DMD: variants seen among roughly 807,000 people sequenced by gnomAD.
DMD encodes the protein mutant dystrophin.
DMD carries 63 observed loss-of-function variants against 330.1 expected under a neutral mutation model. The ratio of observed to expected loss-of-function variants is 0.19; its 90% CI spans 0.16 to 0.24. The LOEUF (loss-of-function observed/expected upper bound fraction) is 0.24, where lower values mean the gene tolerates loss of function less well. Among genes scored for constraint, DMD ranks in the 10% least tolerant of loss-of-function variants. The pLI, the probability that DMD is intolerant of heterozygous loss-of-function variation, is 1.00. For synonymous variants in DMD, 1,223 were observed against 959.8 expected, an observed-to-expected ratio of 1.27 and a Z score of -5.07; for missense variants, 3,344 against 2,684.1, an observed-to-expected ratio of 1.25 and a Z score of -5.43.
intron 55 of DMD, among the ~76,000 whole-genome samples, chrX:31,550,411 T>A (rs1603355750): frequency 8.9e-6 from 1 of 112,097 alleles, no homozygotes; most frequent in Admixed American, 9.4e-5. Flanking sequence ...AGAAGTCTGC[T>A]AGAAGAGGCC....
intron 44 of DMD, among the ~76,000 whole-genome samples, chrX:32,168,415 G>C (rs72626020): frequency 0.15 from 16,823 of 109,080 alleles, 1,488 homozygotes; most frequent in African/African-American, 0.32. Context: ...ATGCTCTTAT[G>C]CTCTTCCTCT....
At chrX:32,851,947 G>T (rs914192969) in intron 2 of DMD, among the ~76,000 whole-genome samples, 4 of 111,169 alleles carry the variant, frequency 3.6e-5, no homozygotes, top group Non-Finnish European at 7.6e-5. Context: ...AGCACTTTGG[G>T]GTCCTAAATA....
intron 27 of DMD, among the ~76,000 whole-genome samples, chrX:32,447,926 T>A (rs1416033798): frequency 9.0e-6 from 1 of 111,182 alleles, no homozygotes; most frequent in African/African-American, 3.3e-5. Flanking sequence ...TACATAAATA[T>A]AATGCAAACC....
chrX:32,550,722 A>G (rs1159140779), intron 16 of DMD, among the ~76,000 whole-genome samples: 1 of 110,773 alleles, frequency 9.0e-6, no homozygotes, highest in Non-Finnish European at 1.9e-5. Context: ...TTAATAATAA[A>G]GATAGACCAC....
intron 44 of DMD, among the ~76,000 whole-genome samples, chrX:32,193,881 C>G (rs1006366139): frequency 9.0e-6 from 1 of 111,630 alleles, no homozygotes; most frequent in African/African-American, 3.3e-5. Flanking sequence ...CAGCAACATA[C>G]CCACATCATT....
chrX:32,597,236 G>T (rs1173195527), intron 12 of DMD, among the ~76,000 whole-genome samples: 1 of 111,583 alleles, frequency 9.0e-6, no homozygotes, highest in African/African-American at 3.3e-5. Flanking sequence ...CACCATTTCT[G>T]TCATTTTTTT....
chrX:32,231,348 C>T (rs934701067), intron 43 of DMD, among the ~76,000 whole-genome samples: 2 of 111,732 alleles, frequency 1.8e-5, no homozygotes, highest in East Asian at 2.8e-4. Flanking sequence ...TCCAAATATG[C>T]GGAGTATGAA....
At chrX:33,297,105 T>C (rs1300156111) in intron 1 of DMD, among the ~76,000 whole-genome samples, 2 of 111,328 alleles carry the variant, frequency 1.8e-5, no homozygotes, top group Non-Finnish European at 3.8e-5. Flanking sequence ...TAAGAATTAT[T>C]ATGTCCAAAT....
chrX:31,729,839 G>T, intron 51 of DMD, 91 bp from the exon 52 acceptor site: 2 of 709,694 alleles, frequency 2.8e-6, no homozygotes, highest in Admixed American at 2.3e-5. Context: ...TGTGAGACCA[G>T]CCAAAACACT....
chrX:32,867,271 A>T (rs2082590457), intron 2 of DMD, among the ~76,000 whole-genome samples: 1 of 112,055 alleles, frequency 8.9e-6, no homozygotes, highest in African/African-American at 3.2e-5. Context: ...ATTATAAGCT[A>T]TAATTTCCAG....
chrX:31,176,104 G>C (rs1447256855), intron 71 of DMD, among the ~76,000 whole-genome samples: 1 of 111,148 alleles, frequency 9.0e-6, no homozygotes, highest in Non-Finnish European at 1.9e-5. Flanking sequence ...TGCCTGAATA[G>C]GATGGCTTTG....
chrX:31,252,119 G>GTTAT (rs751213290), intron 63 of DMD, among the ~76,000 whole-genome samples: 31 of 112,456 alleles, frequency 2.8e-4, no homozygotes, highest in Non-Finnish European at 5.4e-4. Flanking sequence ...TGATTTGGAA[G>GTTAT]TTACATTTCT....
chrX:32,403,091 C>T lies in DMD; in HGVS notation c.4233+8661G>A, dbSNP rs185051147. 1.9e-3 allele frequency among the ~76,000 whole-genome samples: 206 copies of T among 110,996 alleles called. 1 individual carries two copies. The highest frequency in any genetic ancestry group is 6.2e-3 in the African/African-American group (191 of 30,644). On this transcript the variant is annotated intron_variant, in intron 30 of 78. Coordinates refer to ENST00000357033, the MANE Select transcript of DMD (RefSeq NM_004006.3). ...TTAGTGGTTAGAGAATGGGAATAGA[C>T]GGGGAAAATTTTTAAAAAGCAAATA...
In DMD at chrX:32,893,453, A is replaced by C. The variant is rs760021795; in HGVS notation, c.94-43633T>G. On this transcript the variant is annotated intron_variant, in intron 2 of 78. Coordinates refer to ENST00000357033, the MANE Select transcript of DMD (RefSeq NM_004006.3). ...CCTATATATGTTTGCAAACATGTTT[A>C]CAAGATATATGTGAATTACCTTGCA... is the stretch of plus-strand genomic sequence containing the variant. 1.3e-3 allele frequency among the ~76,000 whole-genome samples: 105 copies of C among 78,662 alleles called. 1 individual carries two copies. The highest frequency in any genetic ancestry group is 4.6e-3 in the African/African-American group (103 of 22,332). The allele number at this position is 78,662 out of a possible 115,157, so 68.3% of individuals were successfully genotyped here. A position where few individuals can be genotyped will look rare whatever the true frequency, so the allele number is the denominator to read the frequency against.
At chrX:31,707,299 C>A (rs757218558) in intron 52 of DMD, among the ~76,000 whole-genome samples, 2 of 110,897 alleles carry the variant, frequency 1.8e-5, no homozygotes, top group African/African-American at 3.3e-5. Flanking sequence ...TGGTTTATAA[C>A]CTGCTGTGCT....
In DMD at chrX:32,549,922, T is replaced by C. The variant is rs116815107; in HGVS notation, c.1993-4588A>G. On this transcript the variant is annotated intron_variant, in intron 16 of 78. Transcript: ENST00000357033. Reference sequence around the variant, plus strand: ...CAAAAGGACATACAATAAAATAAAATACTTTTTTTCTACCACTGTCTCCAG... The same window carrying C: ...CAAAAGGACATACAATAAAATAAAACACTTTTTTTCTACCACTGTCTCCAG... Among the ~76,000 whole-genome samples, 695 of 112,447 alleles carry C rather than the reference T, an allele frequency of 6.2e-3. 6 individuals are homozygous for C. Among genetic ancestry groups the C allele is most frequent in the African/African-American group, 0.021 (648 of 31,006 alleles).
intron 44 of DMD, among the ~76,000 whole-genome samples, chrX:32,141,076 T>C (rs910197608): frequency 2.7e-5 from 3 of 110,932 alleles, no homozygotes; most frequent in African/African-American, 9.9e-5. Flanking sequence ...GGAGTTTTGG[T>C]CACCTCATTG....
At chrX:31,822,653 G>GGGGTGTGTGTGTGTGTGTGTGTGT (rs58903799) in intron 49 of DMD, among the ~76,000 whole-genome samples, 2 of 65,806 alleles carry the variant, frequency 3.0e-5, no homozygotes, top group Non-Finnish European at 5.3e-5. Context: ...AAGGCAGAGG[G>GGGGTGTGTGTGTGTGTGTGTGTGT]GTGTGTGTGT....
chrX:31,180,543 C>G, intron 68 of DMD, 62 bp from the exon 69 acceptor site: 1 of 753,499 alleles, frequency 1.3e-6, no homozygotes. Flanking sequence ...AAAGAACACT[C>G]TTTAATAAAC....
Sources: allele counts gnomAD v4.1 joint callset (sites outside exome capture counted in the v4.1 genomes callset), GRCh38; gene constraint gnomAD v4.1.1; transcripts MANE v1.5; gene names NCBI Gene and HGNC (gene_info 2026-07-23, HGNC 2026-07-21).